PCDH15: variants seen among roughly 807,000 people sequenced by gnomAD.
PCDH15 encodes protocadherin-15.
Under a neutral mutation model 178.5 loss-of-function variants are expected in PCDH15, and 129 were observed. The ratio of observed to expected loss-of-function variants is 0.72; its 90% confidence interval spans 0.63 to 0.84. PCDH15 has a LOEUF of 0.84. Among genes scored for constraint, PCDH15 ranks in the 40% least tolerant of loss-of-function variants. The pLI is 0.00. For missense variants in PCDH15, 2,230 were observed against 2,099.9 expected, an observed-to-expected ratio of 1.06 and a Z score of -1.21; for synonymous variants, 800 against 732.0, an observed-to-expected ratio of 1.09 and a Z score of -1.50.
chr10:53,846,051 A>ACACACAC (rs1564598575), intron 28 of PCDH15, among the ~76,000 whole-genome samples: 2 of 100,422 alleles, frequency 2.0e-5, no homozygotes, highest in South Asian at 4.2e-4. Context: ...CACACACACA[A>ACACACAC]ACAAAAAAAG....
chr10:54,579,775 A>G (rs1226713253), intron 2 of PCDH15, among the ~76,000 whole-genome samples: 1 of 152,008 alleles, frequency 6.6e-6, no homozygotes, highest in Non-Finnish European at 1.5e-5. Context: ...AATCATATCA[A>G]CCATACTCTT....
chr10:55,619,233 T>C (rs923147611), intron 2 of PCDH15, among the ~76,000 whole-genome samples: 3 of 151,952 alleles, frequency 2.0e-5, no homozygotes, highest in Non-Finnish European at 4.4e-5. Flanking sequence ...AAAAATAATG[T>C]CTTAGAGTAT....
chr10:54,566,183 T>C (rs1307773559), intron 2 of PCDH15, among the ~76,000 whole-genome samples: 1 of 152,148 alleles, frequency 6.6e-6, no homozygotes, highest in East Asian at 1.9e-4. Flanking sequence ...TTTGAAGAAT[T>C]TTCTTCACAG....
At chr10:54,426,555 G>T (rs1956287814) in intron 3 of PCDH15, among the ~76,000 whole-genome samples, 1 of 152,140 alleles carries the variant, frequency 6.6e-6, no homozygotes, top group African/African-American at 2.4e-5. Context: ...TGTGGCCTGG[G>T]GGTTGGGACC....
chr10:55,203,551 G>C (rs1021840360), intron 1 of PCDH15, among the ~76,000 whole-genome samples: 1 of 151,988 alleles, frequency 6.6e-6, no homozygotes, highest in South Asian at 2.1e-4. Flanking sequence ...AAAAAGGAAG[G>C]CTTCCTTGCT....
chr10:54,619,124 T>G (rs2134393068), intron 2 of PCDH15: 1 of 151,134 alleles, frequency 6.6e-6, no homozygotes, highest in African/African-American at 2.4e-5. Context: ...TCTTACATTT[T>G]ATTTTATAGG....
intron 2 of PCDH15, among the ~76,000 whole-genome samples, chr10:55,438,885 T>C (rs1294294653): frequency 2.0e-5 from 3 of 150,770 alleles, no homozygotes; most frequent in Admixed American, 2.0e-4. Flanking sequence ...TAATTATTAT[T>C]ATTAATTTTA....
chr10:54,551,310 C>T (rs1012426390), intron 2 of PCDH15, among the ~76,000 whole-genome samples: 11 of 151,738 alleles, frequency 7.2e-5, no homozygotes, highest in African/African-American at 1.7e-4. Flanking sequence ...ACATTTATAT[C>T]GCCTCTATAC....
At chr10:54,724,616 G>A (rs72794562) in intron 1 of PCDH15, among the ~76,000 whole-genome samples, 18,466 of 151,310 alleles carry the variant, frequency 0.12, 1,259 homozygotes, top group African/African-American at 0.17. Flanking sequence ...TTTGTATGGT[G>A]CACCAGAATA....
At chr10:54,213,308 AT>A (rs1297860437) in intron 10 of PCDH15, among the ~76,000 whole-genome samples, 1 of 152,090 alleles carries the variant, frequency 6.6e-6, no homozygotes, top group Admixed American at 6.6e-5. Context: ...GAATATCTGC[AT>A]TTTTTCAGTA....
chr10:54,532,932 T>A (rs1431192508), intron 2 of PCDH15, among the ~76,000 whole-genome samples: 58 of 152,058 alleles, frequency 3.8e-4, no homozygotes, highest in Admixed American at 3.8e-3. Flanking sequence ...TGAGTGAGTG[T>A]GGGTGTGTGT....
chr10:54,252,203 C>T (rs1367296222), intron 8 of PCDH15, among the ~76,000 whole-genome samples: 1 of 152,098 alleles, frequency 6.6e-6, no homozygotes, highest in Non-Finnish European at 1.5e-5. Context: ...ACTTAGACCC[C>T]TTGTTTCTAG....
chr10:55,464,304 G>A (rs936874258), intron 2 of PCDH15, among the ~76,000 whole-genome samples: 3 of 152,014 alleles, frequency 2.0e-5, no homozygotes, highest in Admixed American at 6.6e-5. Context: ...ATACTGTTAC[G>A]ACTAACCATT....
chr10:54,743,725 T>A (rs535368009), intron 1 of PCDH15, among the ~76,000 whole-genome samples: 1 of 152,040 alleles, frequency 6.6e-6, no homozygotes, highest in African/African-American at 2.4e-5. Context: ...TACACTGTGC[T>A]CCTAAATACT....
intron 26 of PCDH15, among the ~76,000 whole-genome samples, chr10:53,878,216 AT>A (rs1316751405): frequency 4.2e-4 from 2 of 4,792 alleles, no homozygotes; most frequent in African/African-American, 1.2e-3. Context: ...CACACTTTGA[AT>A]ATATATATAT....
At chr10:55,056,694 G>T (rs980487690) in intron 2 of PCDH15, among the ~76,000 whole-genome samples, 5 of 151,120 alleles carry the variant, frequency 3.3e-5, no homozygotes, top group Non-Finnish European at 7.4e-5. Flanking sequence ...GTGTAATGGT[G>T]TGATCTTGGC....
intron 1 of PCDH15, among the ~76,000 whole-genome samples, chr10:55,224,540 C>G (rs1037381126): frequency 1.3e-5 from 2 of 152,062 alleles, no homozygotes; most frequent in Non-Finnish European, 2.9e-5. Context: ...TGAGGTCGCT[C>G]TAGACCAACT....
intron 3 of PCDH15, among the ~76,000 whole-genome samples, chr10:54,381,267 CAAGCTATAGTTAGCATT>C (rs1303633718): frequency 6.6e-6 from 1 of 152,042 alleles, no homozygotes; most frequent in Non-Finnish European, 1.5e-5. Flanking sequence ...ACGTGACACC[CAAGCTATAGTTAGCATT>C]AAGCCAGAAA....
intron 2 of PCDH15, among the ~76,000 whole-genome samples, chr10:55,431,615 G>A (rs1001832442): frequency 6.6e-6 from 1 of 152,152 alleles, no homozygotes; most frequent in Non-Finnish European, 1.5e-5. Context: ...TATGTGGAAT[G>A]TGCATACTCC....
Sources: gnomAD v4.1 joint callset for allele counts (sites outside exome capture counted in the v4.1 genomes callset) on GRCh38, gnomAD v4.1.1 for gene constraint, MANE v1.5 for transcripts, NCBI Gene and HGNC (gene_info 2026-07-23, HGNC 2026-07-21) for gene names.